TENM2: variants seen among roughly 807,000 people sequenced by gnomAD.
TENM2 encodes teneurin transmembrane protein 2, also known as teneurin-2.
Under a neutral mutation model 245.2 loss-of-function variants are expected in TENM2, and 52 were observed. That is an observed-to-expected ratio of 0.21 (90% CI 0.17 to 0.27). The LOEUF is 0.27. Among genes scored for constraint, TENM2 ranks in the 10% least tolerant of loss-of-function variants. The pLI is 1.00. For synonymous variants in TENM2, 1,363 were observed against 1,438.9 expected (o/e 0.95, Z 1.19); for missense variants, 3,046 against 3,666.8 (o/e 0.83, Z 4.37).
At chr5:167,631,705 CT>C (rs1195945388) in intron 2 of TENM2, among the ~76,000 whole-genome samples, 1 of 152,172 alleles carries the variant, frequency 6.6e-6, no homozygotes, top group Non-Finnish European at 1.5e-5. Flanking sequence ...CCTCACCCCC[CT>C]GGGCTTTGCC....
At chr5:168,163,108 C>T (rs751932950) in intron 13 of TENM2, among the ~76,000 whole-genome samples, 2 of 152,202 alleles carry the variant, frequency 1.3e-5, no homozygotes, top group African/African-American at 2.4e-5. Context: ...CTATGCCTAA[C>T]GCACAAAGCT....
At chr5:168,057,075 C>T (rs996352916) in intron 6 of TENM2, among the ~76,000 whole-genome samples, 1 of 152,036 alleles carries the variant, frequency 6.6e-6, no homozygotes, top group Admixed American at 6.5e-5. Context: ...GTAAAAAAAT[C>T]TATATATGTA....
intron 13 of TENM2, chr5:168,187,163 G>A (rs768624681): frequency 2.6e-5 from 4 of 152,192 alleles, no homozygotes; most frequent in Non-Finnish European, 5.9e-5. Flanking sequence ...TTTGTCATCT[G>A]CTATTGCTGA....
chr5:166,989,069 G>A, the TENM2 span, among the ~76,000 whole-genome samples: 1 of 151,732 alleles, frequency 6.6e-6, no homozygotes, highest in East Asian at 1.9e-4. Flanking sequence ...CAACAAAACA[G>A]ATTAGATTTT....
At chr5:167,102,156 G>A in the TENM2 span, among the ~76,000 whole-genome samples, 8,806 of 150,920 alleles carry the variant, frequency 0.058, 346 homozygotes, top group Non-Finnish European at 0.082. Context: ...AATCCAGGAG[G>A]CGGAGGTTGC....
intron 2 of TENM2, among the ~76,000 whole-genome samples, chr5:167,453,878 A>G (rs900204160): frequency 6.6e-6 from 1 of 152,206 alleles, no homozygotes; most frequent in Admixed American, 6.5e-5. Context: ...CACTCTAACA[A>G]ATTACTAGCA....
chr5:168,253,621 T>C (rs527346960), intron 27 of TENM2, among the ~76,000 whole-genome samples: 1 of 151,694 alleles, frequency 6.6e-6, no homozygotes, highest in Non-Finnish European at 1.5e-5. Context: ...GAGACGGGGT[T>C]TCACCGTGTT....
upstream of TENM2, among the ~76,000 whole-genome samples, chr5:167,280,776 A>G (rs541398153): frequency 3.0e-4 from 45 of 150,888 alleles, no homozygotes; most frequent in East Asian, 5.6e-3. Context: ...CTATCTATCT[A>G]TCTATCTATC....
At chr5:167,584,013 G>C (rs982743463) in intron 2 of TENM2, among the ~76,000 whole-genome samples, 1 of 152,166 alleles carries the variant, frequency 6.6e-6, no homozygotes, top group Non-Finnish European at 1.5e-5. Context: ...CCCACTCTGT[G>C]ATACTGTAAC....
chr5:167,086,004 C>G, the TENM2 span, among the ~76,000 whole-genome samples: 1 of 152,302 alleles, frequency 6.6e-6, no homozygotes, highest in Admixed American at 6.5e-5. Flanking sequence ...GGAGAAGTCT[C>G]ACTAGACCTC....
chr5:167,771,520 G>GT (rs1763403146), intron 2 of TENM2, among the ~76,000 whole-genome samples: 1 of 152,124 alleles, frequency 6.6e-6, no homozygotes. Flanking sequence ...TTGTTATTTT[G>GT]TTTTTGCTTG....
chr5:167,404,690 A>C (rs1043569422), intron 2 of TENM2, among the ~76,000 whole-genome samples: 4 of 151,702 alleles, frequency 2.6e-5, no homozygotes, highest in Non-Finnish European at 5.9e-5. Context: ...GACCCTCTCC[A>C]TGCGTGTTGG....
intron 1 of TENM2, among the ~76,000 whole-genome samples, chr5:167,320,323 C>T (rs1422805194): frequency 2.6e-5 from 4 of 152,098 alleles, no homozygotes; most frequent in Non-Finnish European, 5.9e-5. Flanking sequence ...CCAGGCAGTA[C>T]AAAAACCAGC....
chr5:168,017,964 A>G (rs982588250), intron 5 of TENM2, among the ~76,000 whole-genome samples: 2 of 152,008 alleles, frequency 1.3e-5, no homozygotes, highest in Non-Finnish European at 2.9e-5. Flanking sequence ...GCTCTTTCTC[A>G]TAGCTCCCTC....
At chr5:167,154,710 C>T in the TENM2 span, among the ~76,000 whole-genome samples, 4 of 152,242 alleles carry the variant, frequency 2.6e-5, no homozygotes, top group South Asian at 8.3e-4. Context: ...TGTTCATTTA[C>T]TAAATGTGTG....
chr5:167,234,347 T>G, the TENM2 span, among the ~76,000 whole-genome samples: 1 of 152,212 alleles, frequency 6.6e-6, no homozygotes, highest in Admixed American at 6.5e-5. Context: ...CTGAAGAACT[T>G]CTTTATGGTA....
At chr5:167,294,846 A>G (rs1304353365) in intron 1 of TENM2, among the ~76,000 whole-genome samples, 2 of 152,210 alleles carry the variant, frequency 1.3e-5, no homozygotes, top group Admixed American at 1.3e-4. Context: ...CACAATTGCA[A>G]AAATATCACG....
chr5:167,946,509 C>T (rs1206524566), intron 3 of TENM2, among the ~76,000 whole-genome samples: 3 of 152,124 alleles, frequency 2.0e-5, no homozygotes, highest in Admixed American at 1.3e-4. Context: ...TTGAGGTGGG[C>T]GATTCCCTCC....
At chr5:167,838,448 A>G (rs1049470741) in intron 2 of TENM2, among the ~76,000 whole-genome samples, 2 of 152,224 alleles carry the variant, frequency 1.3e-5, no homozygotes, top group African/African-American at 4.8e-5. Context: ...CAACAGGGAC[A>G]TGAAAGAAGG....
Sources: gnomAD v4.1 joint callset for allele counts (sites outside exome capture counted in the v4.1 genomes callset) on GRCh38, gnomAD v4.1.1 for gene constraint, MANE v1.5 for transcripts, NCBI Gene and HGNC (gene_info 2026-07-23, HGNC 2026-07-21) for gene names.